Variants in FUT8 observed in about 807,000 individuals in gnomAD.
FUT8 encodes the protein fucosyltransferase 8.
Under a neutral mutation model 71.3 loss-of-function variants are expected in FUT8, and 29 were observed. The observed-to-expected ratio is 0.41, with a 90% confidence interval of 0.30 to 0.55. The LOEUF (loss-of-function observed/expected upper bound fraction) is 0.55, where lower values mean the gene tolerates loss of function less well. FUT8 is among the 20% of genes least tolerant of loss of function. FUT8 has a pLI of 0.34. For missense variants in FUT8, 544 were observed against 702.1 expected (o/e 0.77, Z 2.55); for synonymous variants, 254 against 239.3 (o/e 1.06, Z -0.57).
intron 7 of FUT8, among the ~76,000 whole-genome samples, chr14:65,710,469 T>C (rs1368194185): frequency 7.2e-5 from 11 of 152,240 alleles, no homozygotes. Flanking sequence ...TGAAATATGT[T>C]GTTATTGAGG....
chr14:65,634,121 A>T (rs1381608548), intron 6 of FUT8, among the ~76,000 whole-genome samples: 1 of 152,064 alleles, frequency 6.6e-6, no homozygotes, highest in Admixed American at 6.5e-5. Context: ...TGGAATAGAA[A>T]GGGGGGAAAG....
chr14:65,369,935 A>G, the FUT8 span, among the ~76,000 whole-genome samples: 239 of 152,192 alleles, frequency 1.6e-3, 2 homozygotes, highest in African/African-American at 5.5e-3. The surrounding 1 kb of genome is among the most constrained non-coding windows in gnomAD (Gnocchi z 4.6). Flanking sequence ...ACTCGCCCCA[A>G]ATTCTTTCTT....
intron 2 of FUT8, among the ~76,000 whole-genome samples, chr14:65,508,419 T>C (rs1882079844): frequency 6.6e-6 from 1 of 151,178 alleles, no homozygotes; most frequent in South Asian, 2.1e-4. Context: ...GTTTTTTTTT[T>C]GAAAATGTCT....
At chr14:65,548,011 AGTTGTTT>A (rs1885070641) in intron 2 of FUT8, among the ~76,000 whole-genome samples, 1 of 151,882 alleles carries the variant, frequency 6.6e-6, no homozygotes, top group South Asian at 2.1e-4. Context: ...GCAATTTCTC[AGTTGTTT>A]GTTTTTATGA....
At chr14:65,398,612 T>G in the FUT8 span, among the ~76,000 whole-genome samples, 1 of 151,818 alleles carries the variant, frequency 6.6e-6, no homozygotes, top group East Asian at 1.9e-4. Flanking sequence ...GATGTGTGCC[T>G]ATAGTCCCAG....
At chr14:65,473,959 C>T (rs1022048976) in intron 2 of FUT8, among the ~76,000 whole-genome samples, 6 of 152,126 alleles carry the variant, frequency 3.9e-5, no homozygotes, top group African/African-American at 1.4e-4. Context: ...TGTAATACCA[C>T]TCAGCCATAA....
intron 1 of FUT8, among the ~76,000 whole-genome samples, chr14:65,430,789 A>G (rs994455399): frequency 6.6e-6 from 1 of 152,214 alleles, no homozygotes; most frequent in African/African-American, 2.4e-5. Context: ...GTAGACGTAC[A>G]GAACATCATT....
intron 5 of FUT8, among the ~76,000 whole-genome samples, chr14:65,628,720 T>A (rs561792045): frequency 6.6e-6 from 1 of 152,258 alleles, no homozygotes; most frequent in African/African-American, 2.4e-5. Flanking sequence ...ACTCTGCAGG[T>A]AATCCAGCAT....
At position 65,669,194 on chromosome 14, in the gene FUT8, CCT is replaced by C; in HGVS notation, c.598-44_598-43del. 2 of 1,371,628 alleles carry C rather than the reference CCT, an allele frequency of 1.5e-6. No individual in the cohort carries two copies. The highest frequency in any genetic ancestry group is 2.3e-5 in the East Asian group (1 of 43,462). 85.0% of individuals were successfully genotyped at this position (1,371,628 alleles called of 1,614,324 possible). On this transcript the variant is annotated intron_variant, in intron 6 of 10. Coordinates refer to ENST00000673929, the MANE Select transcript of FUT8 (RefSeq NM_001371533.1). The surrounding 1 kb of genome is among the most constrained non-coding windows in gnomAD (Gnocchi z 4.5). ...ATTAAAAAAAAAAAAGAGCAGTTGA[CCT>C]CTCTGTACAACTTATCTTTATTTTC...
chr14:65,492,659 T>C (rs1339188819), intron 2 of FUT8, among the ~76,000 whole-genome samples: 3 of 152,184 alleles, frequency 2.0e-5, no homozygotes, highest in Admixed American at 6.6e-5. Context: ...AGTTTTTCTT[T>C]TATCAAGTAC....
Position 65,638,956 on chromosome 14 carries a change from C to T in FUT8, c.597+9350C>T, listed in dbSNP as rs1173100998. On this transcript the variant is annotated intron_variant, in intron 6 of 10. Transcript: ENST00000673929. This position sits in a 1 kb window ranked among gnomAD's most constrained non-coding sequence, Gnocchi z 4.5. ...AATATTTGCTAAATATTTAATACAACTGGGATGGGCAGAAACCTTCAGAGC... is the reference window on the plus strand; with the variant it reads ...AATATTTGCTAAATATTTAATACAATTGGGATGGGCAGAAACCTTCAGAGC... Among the ~76,000 whole-genome samples, 2 of 152,112 alleles carry T rather than the reference C, an allele frequency of 1.3e-5. No homozygotes were observed. Among genetic ancestry groups the T allele is most frequent in the Non-Finnish European group, 2.9e-5 (2 of 68,012 alleles).
At chr14:65,681,067 T>G (rs1441288684) in intron 7 of FUT8, among the ~76,000 whole-genome samples, 1 of 152,220 alleles carries the variant, frequency 6.6e-6, no homozygotes. Flanking sequence ...ATCATTCCCT[T>G]TGTGATATTT....
intron 1 of FUT8, among the ~76,000 whole-genome samples, chr14:65,435,594 A>G (rs769274526): frequency 1.3e-5 from 2 of 152,212 alleles, no homozygotes; most frequent in Non-Finnish European, 2.9e-5. Flanking sequence ...GTGTGTGATC[A>G]TAAGTTTTCA....
chr14:65,411,963 C>A (rs1203940942), upstream of FUT8: 7 of 452,824 alleles, frequency 1.5e-5, no homozygotes, highest in African/African-American at 1.4e-4. Flanking sequence ...CTCTGCATCG[C>A]GGGCGCCGGG....
intron 2 of FUT8, among the ~76,000 whole-genome samples, chr14:65,494,499 A>G (rs1488760372): frequency 1.3e-5 from 2 of 152,182 alleles, no homozygotes; most frequent in African/African-American, 4.8e-5. Context: ...TCTGTATGTA[A>G]CAAACAAGGA....
intron 3 of FUT8, among the ~76,000 whole-genome samples, chr14:65,608,013 C>T (rs1594811658): frequency 2.1e-5 from 3 of 141,222 alleles, no homozygotes; most frequent in Non-Finnish European, 3.0e-5. Context: ...TGCAGTGAGC[C>T]GAGATTGTGC....
At chr14:65,537,569 A>G (rs141940540) in intron 2 of FUT8, among the ~76,000 whole-genome samples, 1,587 of 152,032 alleles carry the variant, frequency 0.01, 29 homozygotes, top group African/African-American at 0.037. Context: ...TTGTATTTTT[A>G]GTAGAGACTG....
At chr14:65,565,578 C>T (rs557225615) in intron 3 of FUT8, among the ~76,000 whole-genome samples, 3 of 152,038 alleles carry the variant, frequency 2.0e-5, no homozygotes, top group African/African-American at 7.2e-5. Flanking sequence ...TTATAAGAAG[C>T]AACCCAGTTC....
intron 9 of FUT8, among the ~76,000 whole-genome samples, chr14:65,727,228 C>T (rs191045551): frequency 5.9e-5 from 9 of 152,172 alleles, no homozygotes; most frequent in Non-Finnish European, 1.0e-4. Context: ...CTCCACTAGG[C>T]GGTGTCCCAG....
Sources: gnomAD v4.1 joint callset for allele counts (sites outside exome capture counted in the v4.1 genomes callset) on GRCh38, gnomAD v4.1.1 for gene constraint, Gnocchi (gnomAD v3.1) non-coding constraint, MANE v1.5 for transcripts, NCBI Gene and HGNC (gene_info 2026-07-23, HGNC 2026-07-21) for gene names.